Variants in FBXO7 observed in about 807,000 individuals in gnomAD.
FBXO7 encodes F-box only protein 7.
A neutral mutation model predicts 50.2 loss-of-function variants in FBXO7; 31 were observed. The observed-to-expected ratio is 0.62, with a 90% CI of 0.46 to 0.83. The LOEUF is 0.83. Ranked by LOEUF, FBXO7 falls within the 40% of genes least tolerant of loss-of-function variation. The pLI is 0.00. For missense variants in FBXO7, 667 were observed against 646.6 expected, an observed-to-expected ratio of 1.03 and a Z score of -0.34; for synonymous variants, 256 against 253.1, an observed-to-expected ratio of 1.01 and a Z score of -0.11.
In FBXO7 at chr22:32,474,864, C is replaced by G; in HGVS notation, c.-139C>G. 4.9e-6 allele frequency: 4 copies of G among 819,454 alleles called. No homozygotes were observed. Among genetic ancestry groups the G allele is most frequent in the Non-Finnish European group, 7.3e-6 (4 of 548,650 alleles). 50.8% of individuals were successfully genotyped at this position (819,454 alleles called of 1,614,324 possible). On this transcript the variant is annotated 5_prime_UTR_variant, in exon 1 of 9. Transcript: ENST00000266087. ...CGGCCACTGTGGCGGGGCTCTTTCC[C>G]CGTTTCGCCTCAGCTACCCCTCAGC...
At chr22:32,493,057 A>G (rs371065574) in intron 6 of FBXO7, 48 bp from the exon 7 acceptor site, 1 of 1,572,686 alleles carries the variant, frequency 6.4e-7, no homozygotes, top group Non-Finnish European at 8.8e-7. Flanking sequence ...AGAAAGCCAG[A>G]TGTTCTTTAC....
At position 32,498,777 on chromosome 22, in the gene FBXO7, T is replaced by G; in HGVS notation, c.*247T>G. On this transcript the variant is annotated 3_prime_UTR_variant, in exon 9 of 9. Coordinates refer to ENST00000266087, the MANE Select transcript of FBXO7 (RefSeq NM_012179.4). ...CCCTGCTCTTGGTTCTCCTCTAGAT[T>G]GAAGTTTGTTTTCTGATGCTGTTCT... The G allele has an allele frequency of 1.8e-6, 1 of 557,446 alleles. No homozygotes were observed. Among genetic ancestry groups the G allele is most frequent in the East Asian group, 3.0e-5 (1 of 32,908 alleles). The allele number at this position is 557,446 out of a possible 1,614,324, so 34.5% of individuals were successfully genotyped here.
chr22:32,480,692 C>T (rs1344293598), intron 2 of FBXO7, among the ~76,000 whole-genome samples: 2 of 149,094 alleles, frequency 1.3e-5, no homozygotes, highest in East Asian at 2.0e-4. Flanking sequence ...TTTTTGGTGA[C>T]AGGATCCCAC....
chr22:32,491,659 T>A (rs969065518), intron 6 of FBXO7: 1 of 150,002 alleles, frequency 6.7e-6, no homozygotes, highest in Non-Finnish European at 1.5e-5. Context: ...GGATCTAAGT[T>A]TTTTTTTTTA....
intron 6 of FBXO7, 144 bp from the exon 7 acceptor site, chr22:32,492,961 G>T: frequency 1.3e-6 from 1 of 789,254 alleles, no homozygotes; most frequent in South Asian, 1.4e-5. Flanking sequence ...TGTTGTAGAT[G>T]ATGCATACTT....
intron 1 of FBXO7, chr22:32,475,646 G>A: frequency 3.9e-6 from 2 of 513,184 alleles, no homozygotes; most frequent in Non-Finnish European, 6.7e-6. Context: ...TCGCTGCTGT[G>A]AAGCGGCAAC....
rs970640882 is a variant in FBXO7, at chr22:32,477,226, G to A, written c.123-1755G>A. 2.6e-5 allele frequency among the ~76,000 whole-genome samples: 4 copies of A among 152,082 alleles called. No individual in the cohort carries two copies. The East Asian group carries it at 5.8e-4, about 22-fold the overall frequency. On this transcript the variant is annotated intron_variant, in intron 1 of 8. Coordinates refer to ENST00000266087, the MANE Select transcript of FBXO7 (RefSeq NM_012179.4). ...TTCTCTACCAAGGACACTTCAATCAGTAAGAAAAAATATATTTACGAGTGA... is the reference window on the plus strand; with the variant it reads ...TTCTCTACCAAGGACACTTCAATCAATAAGAAAAAATATATTTACGAGTGA...
At chr22:32,487,479 C>G (rs907658690) in intron 4 of FBXO7, 9 of 338,728 alleles carry the variant, frequency 2.7e-5, no homozygotes, top group African/African-American at 1.7e-4. Context: ...CTTTAAGTTA[C>G]TAATAAGCTG....
In FBXO7 at chr22:32,483,994, G is replaced by T. The variant is rs1450901561; in HGVS notation, c.515G>T (p.Ser172Ile). 1 of 1,614,220 alleles carries T rather than the reference G, an allele frequency of 6.2e-7. No individual in the cohort carries two copies. Among genetic ancestry groups the T allele is most frequent in the Admixed American group, 1.7e-5 (1 of 60,026 alleles). Reference sequence around the variant, plus strand: ...TATCCCTCAGAACCCATGCTCTGTAGTGAATCGGTGGAAGGGCAAGTGCCA... The same window carrying T: ...TATCCCTCAGAACCCATGCTCTGTATTGAATCGGTGGAAGGGCAAGTGCCA... ...GFYPSEPMLC[S>I]ESVEGQVPHS... Residue 172 changes from serine to isoleucine, a missense_variant, in exon 3 of 9, where the codon AGT becomes ATT. By Grantham distance (142) the Ser-to-Ile change is moderately radical (BLOSUM62 -2). Coordinates refer to ENST00000266087, the MANE Select transcript of FBXO7 (RefSeq NM_012179.4).
chr22:32,479,167 A>T lies in FBXO7; in HGVS notation c.309A>T (p.Gln103His). ...ATTCTTCACTCCAGAATAATGAGCAACCCTCTTTGGCCACCAGCTCCAATC... is the reference window on the plus strand; with the variant it reads ...ATTCTTCACTCCAGAATAATGAGCATCCCTCTTTGGCCACCAGCTCCAATC... ...SEHSSLQNNE[Q>H]PSLATSSNQT... Residue 103 changes from glutamine (Q) to histidine (H), a missense_variant, in exon 2 of 9, where the codon CAA becomes CAT. Transcript: ENST00000266087. 2 of 1,614,098 alleles carry T rather than the reference A, an allele frequency of 1.2e-6. No individual in the cohort carries two copies. Among genetic ancestry groups the T allele is most frequent in the Non-Finnish European group, 1.7e-6 (2 of 1,180,032 alleles).
intron 4 of FBXO7, among the ~76,000 whole-genome samples, chr22:32,486,645 T>C (rs952734605): frequency 6.6e-6 from 1 of 152,206 alleles, no homozygotes; most frequent in Non-Finnish European, 1.5e-5. Flanking sequence ...CTTACGAAAT[T>C]TCTATTTCTT....
In FBXO7 at chr22:32,498,181, C is replaced by T. The variant is rs778325181; in HGVS notation, c.1220C>T (p.Pro407Leu). The change falls in exon 9 of 9, where the codon CCG becomes CTG. Residue 407 changes from proline to leucine, a missense_variant. Physicochemically the swap from Pro to Leu is moderately conservative, Grantham distance 98. Coordinates refer to ENST00000266087, the MANE Select transcript of FBXO7 (RefSeq NM_012179.4). ...RKRHIQRKESPKGRFVMLLPS... is the reference protein window; with the variant it reads ...RKRHIQRKESLKGRFVMLLPS... Reference sequence around the variant, plus strand: ...AGGCACATACAAAGAAAAGAATCCCCGAAAGGGCGGTTTGTGATGCTCCTG... The same window carrying T: ...AGGCACATACAAAGAAAAGAATCCCTGAAAGGGCGGTTTGTGATGCTCCTG... The T allele has an allele frequency of 1.4e-5, 22 of 1,614,024 alleles. No homozygotes were observed. Among genetic ancestry groups the T allele is most frequent in the South Asian group, 2.2e-5 (2 of 91,084 alleles).
In FBXO7 at chr22:32,479,028, C is replaced by G; in HGVS notation, c.170C>G (p.Thr57Ser). Residue 57 changes from threonine to serine, a missense_variant, in exon 2 of 9, where the codon ACT (threonine) becomes AGT (serine). Thr to Ser is a moderately conservative substitution (Grantham distance 58, BLOSUM62 1). Coordinates refer to ENST00000266087, the MANE Select transcript of FBXO7 (RefSeq NM_012179.4). Reference sequence around the variant, plus strand: ...ACATTGAACTACAAGGATCCCCTCACTGGAGATGAAGAGACCTTGGCTTCA... The same window carrying G: ...ACATTGAACTACAAGGATCCCCTCAGTGGAGATGAAGAGACCTTGGCTTCA... ...TITLNYKDPL[T>S]GDEETLASYG... The G allele has an allele frequency of 6.2e-7, 1 of 1,614,228 alleles. No individual in the cohort carries two copies. The highest frequency in any genetic ancestry group is 1.3e-5 in the African/African-American group (1 of 75,072).
chr22:32,487,699 A>G, intron 4 of FBXO7, 46 bp from the exon 5 acceptor site: 1 of 1,249,380 alleles, frequency 8.0e-7, no homozygotes, highest in Non-Finnish European at 1.2e-6. Flanking sequence ...AAGGCAGTTG[A>G]TGAAGTGACA....
chr22:32,482,297 C>T (rs528947470), intron 2 of FBXO7, among the ~76,000 whole-genome samples: 9 of 152,164 alleles, frequency 5.9e-5, no homozygotes, highest in African/African-American at 1.2e-4. Context: ...TCCATAAGCC[C>T]TAGGGCTTAG....
intron 7 of FBXO7, among the ~76,000 whole-genome samples, chr22:32,494,540 G>A (rs2057559897): frequency 1.3e-5 from 2 of 151,780 alleles, no homozygotes; most frequent in Admixed American, 1.3e-4. Flanking sequence ...GTTTTTAGTG[G>A]AGACAAAGTC....
chr22:32,475,298 G>T, intron 1 of FBXO7, 174 bp downstream of exon 1: 1 of 1,598,558 alleles, frequency 6.3e-7, no homozygotes, highest in Admixed American at 1.7e-5. Flanking sequence ...CGGGCGTCGC[G>T]GAGCCGGAGG....
At chr22:32,493,345 A>G in intron 7 of FBXO7, 64 bp downstream of exon 7, 5 of 1,415,762 alleles carry the variant, frequency 3.5e-6, no homozygotes, top group African/African-American at 1.4e-5. Context: ...TCAGCTCACC[A>G]AAAGTTTTTA....
chr22:32,498,757 C>T lies in FBXO7; in HGVS notation c.*227C>T, dbSNP rs1336118834. ...GAATAGTTGGCTGCCAATCTCCCTGCTCTTGGTTCTCCTCTAGATTGAAGT... is the reference window on the plus strand; with the variant it reads ...GAATAGTTGGCTGCCAATCTCCCTGTTCTTGGTTCTCCTCTAGATTGAAGT... On this transcript the variant is annotated 3_prime_UTR_variant, in exon 9 of 9. Transcript: ENST00000266087. The T allele has an allele frequency of 1.4e-5, 8 of 585,250 alleles. No homozygotes were observed. The highest frequency in any genetic ancestry group is 2.4e-5 in the Non-Finnish European group (8 of 329,420). The allele number at this position is 585,250 out of a possible 1,614,324, so 36.3% of individuals were successfully genotyped here.
Sources: gnomAD v4.1 joint callset for allele counts (sites outside exome capture counted in the v4.1 genomes callset) on GRCh38, gnomAD v4.1.1 for gene constraint, MANE v1.5 for transcripts, NCBI Gene and HGNC (gene_info 2026-07-23, HGNC 2026-07-21) for gene names.